The following ATP2A1 variants were observed in gnomAD, a reference collection of about 807,000 sequenced individuals.
ATP2A1 encodes ATPase sarcoplasmic/endoplasmic reticulum Ca2+ transporting 1.
ATP2A1 carries 83 observed loss-of-function variants against 109.5 expected under a neutral mutation model. The observed-to-expected ratio is 0.76, with a 90% CI of 0.63 to 0.91. The LOEUF (loss-of-function observed/expected upper bound fraction) is 0.91. ATP2A1 is among the 40% of genes least tolerant of loss of function. The pLI is 0.00. For missense variants in ATP2A1, 1,101 were observed against 1,341.0 expected (o/e 0.82, Z 2.80); for synonymous variants, 505 against 537.6 (o/e 0.94, Z 0.84).
At chr16:28,888,064 G>A (rs1236487890) in intron 8 of ATP2A1, among the ~76,000 whole-genome samples, 1 of 152,182 alleles carries the variant, frequency 6.6e-6, no homozygotes, top group East Asian at 1.9e-4. Flanking sequence ...GCCTCCCAAA[G>A]TGCTGGGATT....
intron 14 of ATP2A1, 44 bp from the exon 15 acceptor site, chr16:28,900,537 C>A: frequency 4.6e-6 from 6 of 1,317,412 alleles, no homozygotes; most frequent in Non-Finnish European, 5.9e-6. Context: ...GGGGAGTTTT[C>A]CAGATCCCCA....
At position 28,894,151 on chromosome 16, in the gene ATP2A1, G is replaced by A; in HGVS notation, c.1096-4G>A. 2 of 1,613,658 alleles carry A rather than the reference G, an allele frequency of 1.2e-6. No homozygotes were observed. The highest frequency in any genetic ancestry group is 1.7e-6 in the Non-Finnish European group (2 of 1,179,714). ...ATCTGTGTGCCTGCCCTTCTCCCCT[G>A]CAGATGTTTATCATTGACAAGGTGG... On this transcript the variant is annotated splice_region_variant and splice_polypyrimidine_tract_variant and intron_variant, in intron 9 of 22. Transcript: ENST00000395503.
In ATP2A1 at chr16:28,880,513, C is replaced by A. The variant is rs1333761175; in HGVS notation, c.220-402C>A. 6.6e-6 allele frequency among the ~76,000 whole-genome samples: 1 copy of A among 152,248 alleles called. No individual in the cohort carries two copies. Among genetic ancestry groups the A allele is most frequent in the Non-Finnish European group, 1.5e-5 (1 of 68,044 alleles). ...GAAACCGGAGCTTCCCTGCCTTGGCCGAGGGGGAGGGCTGCGGGGGCCAGA... is the reference window on the plus strand; with the variant it reads ...GAAACCGGAGCTTCCCTGCCTTGGCAGAGGGGGAGGGCTGCGGGGGCCAGA... On this transcript the variant is annotated intron_variant, in intron 3 of 22. Coordinates refer to ENST00000395503, the MANE Select transcript of ATP2A1 (RefSeq NM_004320.6). The surrounding 1 kb of genome is among the most constrained non-coding windows in gnomAD (Gnocchi z 4.2).
In ATP2A1 at chr16:28,898,479, G is replaced by A. The variant is rs1483661659; in HGVS notation, c.1764+28G>A. ...AAGCAGCTGGGAGCCTCCCACTGTC[G>A]TGGAGCTGGTGAAGGGCCGGGTCCC... On this transcript the variant is annotated intron_variant, in intron 14 of 22. Coordinates refer to ENST00000395503, the MANE Select transcript of ATP2A1 (RefSeq NM_004320.6). The surrounding 1 kb of genome is among the most constrained non-coding windows in gnomAD (Gnocchi z 4.0). 6.2e-6 allele frequency: 10 copies of A among 1,601,832 alleles called. No homozygotes were observed. The highest frequency in any genetic ancestry group is 4.4e-5 in the South Asian group (4 of 90,136).
chr16:28,894,887 G>T lies in ATP2A1; in HGVS notation c.1353G>T (p.Lys451Asn), dbSNP rs771537880. The T allele has an allele frequency of 1.9e-6, 3 of 1,612,522 alleles. No individual in the cohort carries two copies. The Admixed American group carries it at 5.0e-5, about 27-fold the overall frequency. ...CAGCACTCACCACCCTGGTGGAGAA[G>T]ATGAATGTGTTCAACACGGATGTGA... Reference protein sequence around the residue: ...TETALTTLVEKMNVFNTDVRS... With the variant: ...TETALTTLVENMNVFNTDVRS... Residue 451 changes from lysine to asparagine, a missense_variant, in exon 12 of 23, where the codon AAG (lysine) becomes AAT (asparagine). Transcript: ENST00000395503.
At position 28,903,134 on chromosome 16, in the gene ATP2A1, T is replaced by A; in HGVS notation, c.2849T>A (p.Val950Asp). The stretch of plus-strand genomic sequence containing the variant: ...TCCCTGCACTTCCTCATCCTCTATG[T>A]TGACCCCCTGCCGGTGAGGTTTCTT... ...SMSLHFLILY[V>D]DPLPMIFKLR... Residue 950 changes from valine (V) to aspartate (D), a missense_variant, in exon 20 of 23, where the codon GTT (valine) becomes GAT (aspartate). By Grantham distance (152) the Val-to-Asp change is radical. Coordinates refer to ENST00000395503, the MANE Select transcript of ATP2A1 (RefSeq NM_004320.6). The surrounding 1 kb of genome is among the most constrained non-coding windows in gnomAD (Gnocchi z 5.6). The A allele has an allele frequency of 6.2e-7, 1 of 1,613,648 alleles. No homozygotes were observed. Among genetic ancestry groups the A allele is most frequent in the Non-Finnish European group, 8.5e-7 (1 of 1,179,952 alleles).
chr16:28,893,000 C>T lies in ATP2A1; in HGVS notation c.1096-1155C>T, dbSNP rs142512954. Among the ~76,000 whole-genome samples the T allele has an allele frequency of 9.2e-3, 1,385 of 151,040 alleles. 22 individuals carry two copies. Among genetic ancestry groups the T allele is most frequent in the African/African-American group, 0.031 (1,270 of 41,094 alleles). ...CGGAGGTTGCAGTTAGCCGAGATTG[C>T]ACCAGCCTGGGCAACAAGAGTGAAA... On this transcript the variant is annotated intron_variant, in intron 9 of 22. Coordinates refer to ENST00000395503, the MANE Select transcript of ATP2A1 (RefSeq NM_004320.6).
rs1347037571 is a variant in ATP2A1, at chr16:28,903,184, A to G, written c.2862+37A>G. On this transcript the variant is annotated intron_variant, in intron 20 of 22. Transcript: ENST00000395503. The surrounding 1 kb of genome is among the most constrained non-coding windows in gnomAD (Gnocchi z 5.6). ...TCCGCCCAGGGCCGCCCACCCCAGC[A>G]CTGGGGAGCCCACGGCGGGCCCATG... 6.2e-7 allele frequency: 1 copy of G among 1,606,666 alleles called. No homozygotes were observed. Among genetic ancestry groups the G allele is most frequent in the South Asian group, 1.1e-5 (1 of 90,944 alleles).
In ATP2A1 at chr16:28,904,418, G is replaced by A. The variant is rs549037508; in HGVS notation, c.*276G>A. ...AGGGGCTTGCAGGGACAAGGCGACC[G>A]ACTGCGCTGAGCTGCTTATTTATTG... is the stretch of plus-strand genomic sequence containing the variant. On this transcript the variant is annotated 3_prime_UTR_variant, in exon 23 of 23. Transcript: ENST00000395503. The A allele has an allele frequency of 1.9e-5, 29 of 1,533,686 alleles. No homozygotes were observed. Among genetic ancestry groups the A allele is most frequent in the East Asian group, 2.4e-5 (1 of 40,910 alleles).
chr16:28,878,894 G>C, intron 1 of ATP2A1, 105 bp downstream of exon 1: 5 of 1,400,240 alleles, frequency 3.6e-6, no homozygotes, highest in Non-Finnish European at 5.1e-6. Context: ...TCTTAAGGAA[G>C]AGCTGGGCCG....
At chr16:28,900,216 G>A (rs957083560) in intron 14 of ATP2A1, among the ~76,000 whole-genome samples, 10 of 151,288 alleles carry the variant, frequency 6.6e-5, no homozygotes, top group African/African-American at 9.7e-5. Flanking sequence ...TAGGAGGATC[G>A]CTTGAGCCTG....
chr16:28,902,008 A>G lies in ATP2A1; in HGVS notation c.2246A>G (p.Glu749Gly). The change falls in exon 16 of 23, where the codon GAG (glutamate) becomes GGG (glycine). Residue 749 changes from glutamate to glycine, a missense_variant. Transcript: ENST00000395503. The surrounding 1 kb of genome is among the most constrained non-coding windows in gnomAD (Gnocchi z 4.8). ...NFSTIVAAVE[E>G]GRAIYNNMKQ... Reference sequence around the variant, plus strand: ...TCCACCATCGTAGCTGCTGTGGAGGAGGGCCGCGCCATCTACAACAACATG... The same window carrying G: ...TCCACCATCGTAGCTGCTGTGGAGGGGGGCCGCGCCATCTACAACAACATG... The G allele has an allele frequency of 6.2e-7, 1 of 1,614,188 alleles. No individual in the cohort carries two copies. Among genetic ancestry groups the G allele is most frequent in the Non-Finnish European group, 8.5e-7 (1 of 1,180,036 alleles).
chr16:28,879,672 T>TCCGAGTC, intron 3 of ATP2A1, 89 bp downstream of exon 3: 1 of 1,420,918 alleles, frequency 7.0e-7, no homozygotes, highest in Non-Finnish European at 9.7e-7. Flanking sequence ...GATCCTCCCG[T>TCCGAGTC]CCGAGTCCCG....
At chr16:28,897,122 A>C (rs1290409263) in intron 12 of ATP2A1, among the ~76,000 whole-genome samples, 5 of 152,204 alleles carry the variant, frequency 3.3e-5, no homozygotes, top group African/African-American at 1.2e-4. Flanking sequence ...AATAATATAC[A>C]GAGTACCTCC....
intron 3 of ATP2A1, 47 bp downstream of exon 3, chr16:28,879,630 G>T: frequency 6.3e-7 from 1 of 1,586,578 alleles, no homozygotes; most frequent in Non-Finnish European, 8.6e-7. Flanking sequence ...TGTGAGGCTG[G>T]GATCGGGCGA....
Position 28,904,459 on chromosome 16 carries a change from A to G in ATP2A1, c.*317A>G. ...TTATTTATTGAAAATAAACGACGGA[A>G]AAGTCTGGCCTTGCCTCTGTGCAAG... On this transcript the variant is annotated 3_prime_UTR_variant, in exon 23 of 23. Coordinates refer to ENST00000395503, the MANE Select transcript of ATP2A1 (RefSeq NM_004320.6). 6.6e-7 allele frequency: 1 copy of G among 1,518,998 alleles called. No homozygotes were observed. Among genetic ancestry groups the G allele is most frequent in the Middle Eastern group, 1.7e-4 (1 of 5,854 alleles). The allele number at this position is 1,518,998 out of a possible 1,614,324, so 94.1% of individuals were successfully genotyped here. A position where few individuals can be genotyped will look rare whatever the true frequency, so the allele number is the denominator to read the frequency against.
Position 28,903,581 on chromosome 16 carries a change from G to C in ATP2A1, c.2981-119G>C. On this transcript the variant is annotated intron_variant, in intron 21 of 22. Transcript: ENST00000395503. This position sits in a 1 kb window ranked among gnomAD's most constrained non-coding sequence, Gnocchi z 5.6. The stretch of plus-strand genomic sequence containing the variant: ...CCTGTGTCCGCCCCGTTCCCCCTGC[G>C]CCTGCAGGGGCCACATCTCCGGGGC... The C allele has an allele frequency of 8.6e-7, 1 of 1,168,572 alleles. No individual in the cohort carries two copies. Among genetic ancestry groups the C allele is most frequent in the Non-Finnish European group, 1.3e-6 (1 of 777,812 alleles). 72.4% of individuals were successfully genotyped at this position (1,168,572 alleles called of 1,614,324 possible).
In ATP2A1 at chr16:28,898,539, T is replaced by C; in HGVS notation, c.1764+88T>C. On this transcript the variant is annotated intron_variant, in intron 14 of 22. Coordinates refer to ENST00000395503, the MANE Select transcript of ATP2A1 (RefSeq NM_004320.6). This position sits in a 1 kb window ranked among gnomAD's most constrained non-coding sequence, Gnocchi z 4.0. ...CTCACAGCTCCACCACCCGGATCAT[T>C]TCCTACCTCGTCAGTCAAGTTGATG... 1 of 1,420,808 alleles carries C rather than the reference T, an allele frequency of 7.0e-7. No homozygotes were observed. Among genetic ancestry groups the C allele is most frequent in the Middle Eastern group, 2.2e-4 (1 of 4,594 alleles). The allele number at this position is 1,420,808 out of a possible 1,614,324, so 88.0% of individuals were successfully genotyped here.
In ATP2A1 at chr16:28,902,965, C is replaced by T. The variant is rs1005593088; in HGVS notation, c.2744+54C>T. The T allele has an allele frequency of 1.8e-5, 29 of 1,613,710 alleles. No individual in the cohort carries two copies. The highest frequency in any genetic ancestry group is 6.7e-5 in the East Asian group (3 of 44,866). On this transcript the variant is annotated intron_variant, in intron 19 of 22. Transcript: ENST00000395503. This position sits in a 1 kb window ranked among gnomAD's most constrained non-coding sequence, Gnocchi z 4.8. ...CCTCCCCTGAGGCCACTGCCCACAT[C>T]CTCCACTGTGCCGCCCACCTCCTTC...
Sources: allele counts gnomAD v4.1 joint callset (sites outside exome capture counted in the v4.1 genomes callset), GRCh38; gene constraint gnomAD v4.1.1; non-coding constraint Gnocchi (gnomAD v3.1); transcripts MANE v1.5; gene names NCBI Gene and HGNC (gene_info 2026-07-23, HGNC 2026-07-21).